Variants in ITGA8 observed in about 807,000 individuals in gnomAD.
ITGA8 encodes the protein integrin alpha-8.
In ITGA8, 91 loss-of-function variants were observed where a neutral mutation model predicts 142.3. The ratio of observed to expected loss-of-function variants is 0.64; its 90% CI spans 0.54 to 0.76. The LOEUF is 0.76. Ranked by LOEUF, ITGA8 falls within the 30% of genes least tolerant of loss-of-function variation. The probability of loss-of-function intolerance (pLI) is 0.00; values close to 1 mark genes in which losing one functional copy is unlikely to be tolerated. For synonymous variants in ITGA8, 505 were observed against 485.2 expected (o/e 1.04, Z -0.54); for missense variants, 1,406 against 1,327.7 (o/e 1.06, Z -0.92).
chr10:15,582,521 G>C lies in ITGA8; in HGVS notation c.2372+4063C>G, dbSNP rs148036667. ...TATAGACTGGGAGAAAATAATCGCG[G>C]GACACATATTTGGTAAATGGCTTTG... On this transcript the variant is annotated intron_variant, in intron 23 of 29. Transcript: ENST00000378076. Among the ~76,000 whole-genome samples, 580 of 152,148 alleles carry C rather than the reference G, an allele frequency of 3.8e-3. 4 individuals carry two copies. Among genetic ancestry groups the C allele is most frequent in the African/African-American group, 0.013 (558 of 41,502 alleles).
chr10:15,619,953 T>G (rs1473547294), intron 13 of ITGA8, among the ~76,000 whole-genome samples: 3 of 152,258 alleles, frequency 2.0e-5, no homozygotes, highest in Non-Finnish European at 4.4e-5. Context: ...ATTAGACATT[T>G]TATAAATAAC....
intron 11 of ITGA8, among the ~76,000 whole-genome samples, chr10:15,649,563 G>A (rs1486963014): frequency 2.0e-5 from 3 of 150,880 alleles, no homozygotes; most frequent in Admixed American, 1.3e-4. Context: ...GGGAGGCAGA[G>A]GTTGCAGTGG....
intron 23 of ITGA8, among the ~76,000 whole-genome samples, chr10:15,580,742 A>G (rs1834392735): frequency 6.6e-6 from 1 of 152,258 alleles, no homozygotes. Context: ...CATTCATGTT[A>G]AAAATTCTTA....
rs1288298212 is a variant in ITGA8, at chr10:15,718,779, CG to C, written c.329del (p.Pro110ArgfsTer31). 1 of 1,613,872 alleles carries C rather than the reference CG, an allele frequency of 6.2e-7. No individual in the cohort carries two copies. The highest frequency in any genetic ancestry group is 1.7e-5 in the Admixed American group (1 of 60,008). Reference protein sequence around the residue: ...AEGSAQCRQIPFDTTNNRKIR... With the variant: ...AEGSAQCRQIXFDTTNNRKIR... ...AATCTCACTTACTGGTGGTGTCAAA[CG>C]GTATCTGCCTGCACTGCGCAGACCC... On this transcript the variant is annotated frameshift_variant, in exon 2 of 30. Coordinates refer to ENST00000378076, the MANE Select transcript of ITGA8 (RefSeq NM_003638.3). LOFTEE classifies it high-confidence loss of function.
intron 8 of ITGA8, among the ~76,000 whole-genome samples, chr10:15,662,523 G>C (rs57387793): frequency 1.3e-5 from 2 of 151,670 alleles, no homozygotes; most frequent in African/African-American, 4.8e-5. Flanking sequence ...ATATTTTGTA[G>C]AGACAGGGTC....
chr10:15,644,152 T>C lies in ITGA8; in HGVS notation c.1277A>G (p.Lys426Arg), dbSNP rs1005379898. 1.9e-6 allele frequency: 3 copies of C among 1,614,052 alleles called. No homozygotes were observed. The Admixed American group carries it at 5.0e-5, about 27-fold the overall frequency. Reference sequence around the variant, plus strand: ...GGAAGGCTTGGTGTTTAAGCCATCTTTGTTCCCATTATAAATGAGCACTTT... The same window carrying C: ...GGAAGGCTTGGTGTTTAAGCCATCTCTGTTCCCATTATAAATGAGCACTTT... ...RGKVLIYNGN[K>R]DGLNTKPSQV... The change falls in exon 13 of 30, where the codon AAA becomes AGA. Residue 426 changes from lysine to arginine, a missense_variant. Physicochemically the swap from Lys to Arg is conservative, Grantham distance 26 (BLOSUM62 2). Coordinates refer to ENST00000378076, the MANE Select transcript of ITGA8 (RefSeq NM_003638.3).
At chr10:15,592,362 G>A (rs1239652842) in intron 21 of ITGA8, 58 bp from the exon 22 acceptor site, 1 of 1,322,416 alleles carries the variant, frequency 7.6e-7, no homozygotes. Context: ...AAAATATTTT[G>A]TAAGTCATTC....
chr10:15,610,062 A>G (rs572233925), intron 15 of ITGA8, among the ~76,000 whole-genome samples: 3 of 152,272 alleles, frequency 2.0e-5, no homozygotes, highest in Admixed American at 6.5e-5. Flanking sequence ...TGTTTTCTGA[A>G]TATCATTACC....
At chr10:15,635,062 A>C (rs1833750120) in intron 13 of ITGA8, among the ~76,000 whole-genome samples, 1 of 131,096 alleles carries the variant, frequency 7.6e-6, no homozygotes. Flanking sequence ...GCTGGACTGC[A>C]GTGGTGCAAT....
chr10:15,612,209 CA>C (rs759060367), intron 15 of ITGA8, among the ~76,000 whole-genome samples: 87 of 152,280 alleles, frequency 5.7e-4, no homozygotes, highest in Non-Finnish European at 1.2e-3. Context: ...CCACACTCCC[CA>C]GCTCCCAGCA....
chr10:15,668,098 T>C (rs1313911306), intron 8 of ITGA8, among the ~76,000 whole-genome samples: 2 of 152,228 alleles, frequency 1.3e-5, no homozygotes, highest in African/African-American at 4.8e-5. Flanking sequence ...CTATTTGATC[T>C]GTCTAATGTT....
intron 20 of ITGA8, among the ~76,000 whole-genome samples, chr10:15,598,346 TG>T (rs1311814944): frequency 5.3e-5 from 8 of 152,200 alleles, no homozygotes; most frequent in South Asian, 2.1e-4. Context: ...ATTTTTTATT[TG>T]TTTTTTTGTC....
At chr10:15,608,319 T>G in intron 15 of ITGA8, 29 bp from the exon 16 acceptor site, 1 of 1,456,334 alleles carries the variant, frequency 6.9e-7, no homozygotes, top group East Asian at 2.3e-5. Context: ...ATTTATTGGT[T>G]AATAAAGTTT....
intron 6 of ITGA8, 65 bp downstream of exon 6, chr10:15,677,527 C>T (rs1834652891): frequency 7.6e-7 from 1 of 1,314,838 alleles, no homozygotes; most frequent in South Asian, 1.3e-5. Flanking sequence ...TTTAACACTA[C>T]TTCTGGGTCC....
At chr10:15,528,524 T>G (rs2131539597) in intron 28 of ITGA8, among the ~76,000 whole-genome samples, 1 of 116,610 alleles carries the variant, frequency 8.6e-6, no homozygotes, top group South Asian at 2.5e-4. Context: ...TTTTTTTTTT[T>G]GGCAATTCAA....
intron 14 of ITGA8, among the ~76,000 whole-genome samples, chr10:15,614,703 A>G (rs1177410143): frequency 6.6e-6 from 1 of 152,184 alleles, no homozygotes; most frequent in African/African-American, 2.4e-5. Context: ...TTTCCCCCCA[A>G]CAAGAAGAAG....
intron 12 of ITGA8, among the ~76,000 whole-genome samples, chr10:15,644,987 G>T (rs1833951692): frequency 6.6e-6 from 1 of 151,082 alleles, no homozygotes; most frequent in Admixed American, 6.6e-5. Context: ...CAGCTACTCG[G>T]GAGGCTGAGG....
At chr10:15,644,442 A>G (rs1199487277) in intron 12 of ITGA8, among the ~76,000 whole-genome samples, 6 of 230 alleles carry the variant, frequency 0.026, no homozygotes, top group Non-Finnish European at 0.047. Flanking sequence ...TAATATATAT[A>G]TATATATATA....
At chr10:15,707,621 G>A (rs956128833) in intron 2 of ITGA8, among the ~76,000 whole-genome samples, 2 of 151,952 alleles carry the variant, frequency 1.3e-5, no homozygotes, top group Non-Finnish European at 2.9e-5. Flanking sequence ...TCAGCAGTTC[G>A]AGAGCAGCCT....
Sources: gnomAD v4.1 joint callset for allele counts (sites outside exome capture counted in the v4.1 genomes callset) on GRCh38, gnomAD v4.1.1 for gene constraint, MANE v1.5 for transcripts, NCBI Gene and HGNC (gene_info 2026-07-23, HGNC 2026-07-21) for gene names.